KIF3B: variants seen among roughly 807,000 people sequenced by gnomAD.
KIF3B encodes the protein kinesin family member 3B, also known as kinesin-like protein KIF3B.
A neutral mutation model predicts 74.3 loss-of-function variants in KIF3B; 38 were observed. The ratio of observed to expected loss-of-function variants is 0.51; its 90% confidence interval spans 0.39 to 0.67. KIF3B has a LOEUF of 0.67. KIF3B is among the 30% of genes least tolerant of loss of function. The pLI is 0.00. For missense variants in KIF3B, 649 were observed against 932.0 expected, an observed-to-expected ratio of 0.70 and a Z score of 3.95; for synonymous variants, 326 against 342.5, an observed-to-expected ratio of 0.95 and a Z score of 0.53.
At chr20:32,281,721 A>AT (rs2047643837) in intron 1 of KIF3B, among the ~76,000 whole-genome samples, 1 of 152,184 alleles carries the variant, frequency 6.6e-6, no homozygotes, top group Non-Finnish European at 1.5e-5. Flanking sequence ...CATCTCAAAA[A>AT]GAAAAAAAAC....
At chr20:32,319,687 G>A (rs1230378331) in intron 5 of KIF3B, among the ~76,000 whole-genome samples, 1 of 146,174 alleles carries the variant, frequency 6.8e-6, no homozygotes, top group Non-Finnish European at 1.5e-5. Context: ...CTGGGTTCAA[G>A]CGATTCTCAT....
At position 32,333,026 on chromosome 20, in the gene KIF3B, G is replaced by A. The variant is rs2047937423; in HGVS notation, c.*1707G>A. The A allele has an allele frequency of 6.6e-6, 1 of 152,640 alleles. No homozygotes were observed. The highest frequency in any genetic ancestry group is 1.5e-5 in the Non-Finnish European group (1 of 68,038). 9.5% of individuals were successfully genotyped at this position (152,640 alleles called of 1,614,324 possible). ...CTGGATCAGAACCCATGGGAAACAG[G>A]AGGTACTAAGTGCAATGTCTTAGCA... On this transcript the variant is annotated 3_prime_UTR_variant, in exon 9 of 9. Transcript: ENST00000375712.
chr20:32,299,403 A>ATTTTTTTTTTT (rs11473044), intron 1 of KIF3B, among the ~76,000 whole-genome samples: 3 of 9,026 alleles, frequency 3.3e-4, no homozygotes, highest in African/African-American at 6.1e-4. Context: ...ATATATATAT[A>ATTTTTTTTTTT]TTTTTTTTTT....
At chr20:32,307,931 A>G (rs2047779960) in intron 1 of KIF3B, among the ~76,000 whole-genome samples, 1 of 149,094 alleles carries the variant, frequency 6.7e-6, no homozygotes, top group Non-Finnish European at 1.5e-5. Flanking sequence ...AAAAAAAAAA[A>G]AAAAAGGAAA....
chr20:32,307,162 A>G (rs894903689), intron 1 of KIF3B, among the ~76,000 whole-genome samples: 27 of 152,154 alleles, frequency 1.8e-4, no homozygotes, highest in Admixed American at 1.4e-3. Context: ...CTCCCCCATT[A>G]TGGACATCTC....
At position 32,277,732 on chromosome 20, in the gene KIF3B, C is replaced by T. The variant is rs2047622975; in HGVS notation, c.-99C>T. 1 of 267,482 alleles carries T rather than the reference C, an allele frequency of 3.7e-6. No homozygotes were observed. The highest frequency in any genetic ancestry group is 1.2e-4 in the South Asian group (1 of 8,584). 16.6% of individuals were successfully genotyped at this position (267,482 alleles called of 1,614,324 possible). On this transcript the variant is annotated 5_prime_UTR_variant, in exon 1 of 9. Transcript: ENST00000375712. ...CCGCCGCCGCCGCCGCCGCCGCCGC[C>T]GCCGCCGCCGCCCGCTTTCGGCTCG...
chr20:32,327,497 T>A, intron 6 of KIF3B, 59 bp from the exon 7 acceptor site: 1 of 1,413,662 alleles, frequency 7.1e-7, no homozygotes, highest in Non-Finnish European at 1.0e-6. Flanking sequence ...GTCAGTGTCT[T>A]CCGAGTGCTG....
In KIF3B at chr20:32,333,632, C is replaced by CAAAAAAAAAAAAAAAAAAAAA. The variant is rs71187110; in HGVS notation, c.*2319_*2339dup. On this transcript the variant is annotated 3_prime_UTR_variant, in exon 9 of 9. Transcript: ENST00000375712. Reference sequence around the variant, plus strand: ...TGGGTGACAGAGTGAGACTCCCCCTCAAAAAAAAAAAAAAAAAAAAAAAAA... The same window carrying CAAAAAAAAAAAAAAAAAAAAA: ...TGGGTGACAGAGTGAGACTCCCCCTCAAAAAAAAAAAAAAAAAAAAAAAAAAAAAAAAAAAAAAAAAAAAAA... The CAAAAAAAAAAAAAAAAAAAAA allele has an allele frequency of 1.5e-4, 5 of 33,806 alleles. 1 individual carries two copies. Among genetic ancestry groups the CAAAAAAAAAAAAAAAAAAAAA allele is most frequent in the East Asian group, 1.2e-3 (1 of 868 alleles). 2.1% of individuals were successfully genotyped at this position (33,806 alleles called of 1,614,324 possible).
At chr20:32,299,404 T>TATATA (rs1555895045) in intron 1 of KIF3B, among the ~76,000 whole-genome samples, 2 of 31,314 alleles carry the variant, frequency 6.4e-5, no homozygotes, top group Admixed American at 4.0e-4. Flanking sequence ...TATATATATA[T>TATATA]TTTTTTTTTT....
chr20:32,327,522 C>CA (rs1480077794), intron 6 of KIF3B, 34 bp from the exon 7 acceptor site: 1 of 1,584,204 alleles, frequency 6.3e-7, no homozygotes, highest in Non-Finnish European at 8.7e-7. Flanking sequence ...CACAGGACTC[C>CA]AGCCAGGGCT....
chr20:32,302,138 A>G (rs2047747363), intron 1 of KIF3B, among the ~76,000 whole-genome samples: 1 of 152,236 alleles, frequency 6.6e-6, no homozygotes, highest in African/African-American at 2.4e-5. Context: ...CACTGGAAGA[A>G]TAACAAAGGT....
intron 1 of KIF3B, among the ~76,000 whole-genome samples, chr20:32,279,131 C>T (rs1270440769): frequency 6.6e-6 from 1 of 152,074 alleles, no homozygotes; most frequent in African/African-American, 2.4e-5. Context: ...CCATGTTGGC[C>T]TGGCTGGTCT....
rs1033281135 is a variant in KIF3B, at chr20:32,278,921, C to T, written c.-66+1156C>T. 1.3e-3 allele frequency among the ~76,000 whole-genome samples: 152 copies of T among 118,408 alleles called. 1 individual carries two copies. Among genetic ancestry groups the T allele is most frequent in the African/African-American group, 4.2e-3 (135 of 32,204 alleles). 77.7% of individuals were successfully genotyped at this position (118,408 alleles called of 152,430 possible). A position where few individuals can be genotyped will look rare whatever the true frequency, so the allele number is the denominator to read the frequency against. On this transcript the variant is annotated intron_variant, in intron 1 of 8. Coordinates refer to ENST00000375712, the MANE Select transcript of KIF3B (RefSeq NM_004798.4). Reference sequence around the variant, plus strand: ...AAAGGGAAGGACCTGCTTAAGAATCCTTTTTTTTTTTTTTTTTTTTGAGAC... The same window carrying T: ...AAAGGGAAGGACCTGCTTAAGAATCTTTTTTTTTTTTTTTTTTTTTGAGAC...
chr20:32,319,178 C>G (rs2122703832), intron 5 of KIF3B, among the ~76,000 whole-genome samples: 1 of 152,078 alleles, frequency 6.6e-6, no homozygotes, highest in African/African-American at 2.4e-5. Flanking sequence ...CTAGGCTGGT[C>G]TCAAACTCCT....
chr20:32,316,131 T>G, intron 2 of KIF3B, 87 bp from the exon 3 acceptor site: 1 of 814,396 alleles, frequency 1.2e-6, no homozygotes, highest in Non-Finnish European at 2.1e-6. Context: ...AGTCCTGAGC[T>G]CTTTATCTTT....
chr20:32,314,560 A>G (rs985721172), intron 2 of KIF3B, among the ~76,000 whole-genome samples: 5 of 151,780 alleles, frequency 3.3e-5, no homozygotes, highest in Non-Finnish European at 5.9e-5. Flanking sequence ...AAAGAATGTT[A>G]GAGTGGTTAG....
At chr20:32,325,694 G>A (rs868042660) in intron 5 of KIF3B, among the ~76,000 whole-genome samples, 89 of 55,968 alleles carry the variant, frequency 1.6e-3, no homozygotes, top group Middle Eastern at 0.023. Context: ...TTGAGACAGA[G>A]TTTTGCTCTT....
chr20:32,312,469 C>T (rs1313001560), intron 2 of KIF3B, among the ~76,000 whole-genome samples: 1 of 152,072 alleles, frequency 6.6e-6, no homozygotes, highest in East Asian at 1.9e-4. Context: ...ATCCTGAATT[C>T]GGTGTTTATT....
chr20:32,327,847 C>T (rs1415374407), intron 7 of KIF3B, among the ~76,000 whole-genome samples, 186 bp downstream of exon 7: 1 of 152,160 alleles, frequency 6.6e-6, no homozygotes, highest in African/African-American at 2.4e-5. Context: ...CACTTGTAAT[C>T]CCAGCAGTTT....
Sources: gnomAD v4.1 joint callset for allele counts (sites outside exome capture counted in the v4.1 genomes callset) on GRCh38, gnomAD v4.1.1 for gene constraint, MANE v1.5 for transcripts, NCBI Gene and HGNC (gene_info 2026-07-23, HGNC 2026-07-21) for gene names.